RBM4B: variants seen among roughly 807,000 people sequenced by gnomAD.
RBM4B encodes RNA binding motif protein 4B.
RBM4B carries 13 observed loss-of-function variants against 28.5 expected under a neutral mutation model. That is an observed-to-expected ratio of 0.46 (90% CI 0.30 to 0.72). The LOEUF is 0.72. Among genes scored for constraint, RBM4B ranks in the 30% least tolerant of loss-of-function variants. RBM4B has a pLI of 0.09. For missense variants in RBM4B, 387 were observed against 477.6 expected (o/e 0.81, Z 1.77); for synonymous variants, 167 against 179.1 (o/e 0.93, Z 0.54).
chr11:66,666,235 G>C (rs1419143257), intron 3 of RBM4B: 2 of 961,788 alleles, frequency 2.1e-6, no homozygotes, highest in East Asian at 4.7e-5. Flanking sequence ...GGGAACTCCA[G>C]ACACCAATGG....
chr11:66,668,749 C>G lies in RBM4B; in HGVS notation c.955G>C (p.Gly319Arg). 6.2e-7 allele frequency: 1 copy of G among 1,614,174 alleles called. No individual in the cohort carries two copies. The highest frequency in any genetic ancestry group is 1.1e-5 in the South Asian group (1 of 91,084). ...TCACTCTCTGGCCCATAACCGTAGCCCTCTCCAACTGTGGGGAGCATGGCT... is the reference window on the plus strand; with the variant it reads ...TCACTCTCTGGCCCATAACCGTAGCGCTCTCCAACTGTGGGGAGCATGGCT... The part of the protein sequence containing the change: ...AAAMLPTVGE[G>R]YGYGPESELS... The change falls in exon 3 of 4, where the codon GGC becomes CGC. Residue 319 changes from glycine (G) to arginine (R), a missense_variant. By Grantham distance (125) the Gly-to-Arg change is moderately radical. Around this residue, in one of 2 missense-constraint regions of RBM4B, gnomAD observed 226 missense variants for 220.6 expected, o/e 1.02. Coordinates refer to ENST00000310046, the MANE Select transcript of RBM4B (RefSeq NM_031492.4).
At chr11:66,668,378 A>G (rs1170060761) in intron 3 of RBM4B, 1 of 474,804 alleles carries the variant, frequency 2.1e-6, no homozygotes, top group Non-Finnish European at 3.7e-6. Flanking sequence ...TCTCACTAAC[A>G]AACTGAATTT....
At chr11:66,671,619 G>GT (rs1288669956) in intron 2 of RBM4B, among the ~76,000 whole-genome samples, 9 of 152,156 alleles carry the variant, frequency 5.9e-5, no homozygotes, top group Non-Finnish European at 1.2e-4. Context: ...TTACCTTGAT[G>GT]TTTTTTAACT....
At chr11:66,674,848 G>A (rs1939592565) in intron 2 of RBM4B, among the ~76,000 whole-genome samples, 1 of 152,208 alleles carries the variant, frequency 6.6e-6, no homozygotes, top group South Asian at 2.1e-4. Flanking sequence ...GGGATTACAG[G>A]TGTGAGGCAC....
intron 2 of RBM4B, among the ~76,000 whole-genome samples, chr11:66,674,177 CTTTTTTTT>C (rs926208528): frequency 1.4e-4 from 18 of 124,472 alleles, no homozygotes; most frequent in Non-Finnish European, 7.0e-5. Context: ...ATTTTTTTTT[CTTTTTTTT>C]TTTTTTTTAT....
Position 66,675,248 on chromosome 11 carries a change from G to A in RBM4B, c.412+1420C>T, listed in dbSNP as rs145948768. Among the ~76,000 whole-genome samples, 3 of 152,284 alleles carry A rather than the reference G, an allele frequency of 2.0e-5. No homozygotes were observed. The East Asian group carries it at 5.8e-4, about 29-fold the overall frequency. On this transcript the variant is annotated intron_variant, in intron 2 of 3. Coordinates refer to ENST00000310046, the MANE Select transcript of RBM4B (RefSeq NM_031492.4). ...TTTACTATCAAAACACTTTCACATC[G>A]ATTTCTTCATTCTAGCCCCACTACA...
In RBM4B at chr11:66,668,651, C is replaced by G; in HGVS notation, c.1053G>C (p.Val351=). Residue 351 remains valine (V), a synonymous_variant, in exon 3 of 4, where the codon GTG becomes GTC. Transcript: ENST00000310046. Reference sequence around the variant, plus strand: ...AAAAGGCTGAGTACCGGGCTCGGTCCACATACTGCTCCCGTTCATACCGGG... The same window carrying G: ...AAAAGGCTGAGTACCGGGCTCGGTCGACATACTGCTCCCGTTCATACCGGG... ...DMARYEREQY[V]DRARYSAF 1.2e-6 allele frequency: 2 copies of G among 1,611,476 alleles called. No individual in the cohort carries two copies. The highest frequency in any genetic ancestry group is 1.7e-4 in the Middle Eastern group (1 of 6,050).
intron 2 of RBM4B, among the ~76,000 whole-genome samples, chr11:66,674,956 T>A (rs1480705141): frequency 6.6e-6 from 1 of 152,240 alleles, no homozygotes. Flanking sequence ...TACATTCTTT[T>A]ACATTTTGCT....
chr11:66,666,242 A>T (rs72923084), intron 3 of RBM4B: 1 of 995,660 alleles, frequency 1.0e-6, no homozygotes, highest in Admixed American at 4.4e-5. Flanking sequence ...CCAGACACCA[A>T]TGGCTGGGGG....
At chr11:66,677,650 C>G (rs897289772) in intron 1 of RBM4B, 114 bp downstream of exon 1, 1 of 154,958 alleles carries the variant, frequency 6.5e-6, no homozygotes, top group Admixed American at 6.4e-5. Context: ...CGTTGTCTTC[C>G]CAGACCTCCC....
intron 3 of RBM4B, chr11:66,666,546 A>G: frequency 3.6e-6 from 2 of 549,484 alleles, no homozygotes; most frequent in Non-Finnish European, 4.6e-6. Context: ...TAGTTGAACA[A>G]CCACTGCTTG....
At position 66,676,515 on chromosome 11, in the gene RBM4B, G is replaced by A. The variant is rs1387366606; in HGVS notation, c.412+153C>T. 6 of 906,756 alleles carry A rather than the reference G, an allele frequency of 6.6e-6. No individual in the cohort carries two copies. The Admixed American group carries it at 1.7e-4, about 26-fold the overall frequency. 56.2% of individuals were successfully genotyped at this position (906,756 alleles called of 1,614,324 possible). ...AAGGGGAAGTGTTTGCTTCCCCAGGGGTAAATTATGCTTAAGAGCGGTAAA... is the reference window on the plus strand; with the variant it reads ...AAGGGGAAGTGTTTGCTTCCCCAGGAGTAAATTATGCTTAAGAGCGGTAAA... On this transcript the variant is annotated intron_variant, in intron 2 of 3. Transcript: ENST00000310046.
chr11:66,673,356 T>G (rs1565095675), intron 2 of RBM4B, among the ~76,000 whole-genome samples: 1 of 152,160 alleles, frequency 6.6e-6, no homozygotes, highest in Non-Finnish European at 1.5e-5. Context: ...TAAAGTAAAC[T>G]CAGATTCCGC....
At chr11:66,673,872 C>G (rs891889686) in intron 2 of RBM4B, among the ~76,000 whole-genome samples, 1 of 152,142 alleles carries the variant, frequency 6.6e-6, no homozygotes, top group Non-Finnish European at 1.5e-5. Flanking sequence ...CTACAACTTA[C>G]TATCCAGTGC....
intron 2 of RBM4B, 69 bp from the exon 3 acceptor site, chr11:66,669,360 T>C (rs1939382393): frequency 1.4e-6 from 2 of 1,456,390 alleles, no homozygotes; most frequent in East Asian, 2.3e-5. Flanking sequence ...CCTCCCCAAA[T>C]GAAAGTAAAT....
intron 2 of RBM4B, among the ~76,000 whole-genome samples, chr11:66,672,867 C>A (rs1183031052): frequency 6.6e-6 from 1 of 152,098 alleles, no homozygotes; most frequent in African/African-American, 2.4e-5. Context: ...TATTATTATA[C>A]CTTAAGGAAC....
intron 1 of RBM4B, 193 bp from the exon 2 acceptor site, chr11:66,677,284 A>C: frequency 1.5e-6 from 1 of 674,938 alleles, no homozygotes; most frequent in Non-Finnish European, 2.5e-6. Context: ...TGCAAACAGG[A>C]GGTCGAGGGT....
rs1417719916 is a variant in RBM4B, at chr11:66,668,996, T to G, written c.708A>C (p.Ala236=). ...VRSYEAVAAA[A]AASAYNYAEQ... is the part of the protein sequence containing the mutation. ...CTGCGTAGTTGTATGCAGAAGCCGC[T>G]GCCGCCGCTGCTACTGCCTCATAAG... The change falls in exon 3 of 4, where the codon GCA becomes GCC. Residue 236 remains alanine (A), a synonymous_variant. Coordinates refer to ENST00000310046, the MANE Select transcript of RBM4B (RefSeq NM_031492.4). The G allele has an allele frequency of 5.0e-6, 8 of 1,614,088 alleles. No homozygotes were observed. Among genetic ancestry groups the G allele is most frequent in the Non-Finnish European group, 6.8e-6 (8 of 1,180,046 alleles).
At position 66,669,027 on chromosome 11, in the gene RBM4B, AC is replaced by A; in HGVS notation, c.676del (p.Val226SerfsTer7). 1 of 1,614,138 alleles carries A rather than the reference AC, an allele frequency of 6.2e-7. No individual in the cohort carries two copies. The highest frequency in any genetic ancestry group is 8.5e-7 in the Non-Finnish European group (1 of 1,180,024). On this transcript the variant is annotated frameshift_variant, in exon 3 of 4. Coordinates refer to ENST00000310046, the MANE Select transcript of RBM4B (RefSeq NM_031492.4). LOFTEE classifies it high-confidence loss of function. The part of the protein sequence containing the change: ...GALDYYKRYR[V>X]RSYEAVAAAA... Reference sequence around the variant, plus strand: ...CGCTGCTACTGCCTCATAAGAGCGGACCCGGTATCGCTTATAGTAGTCGAGT... The same window carrying A: ...CGCTGCTACTGCCTCATAAGAGCGGACCGGTATCGCTTATAGTAGTCGAGT...
Sources: allele counts gnomAD v4.1 joint callset (sites outside exome capture counted in the v4.1 genomes callset), GRCh38; gene constraint gnomAD v4.1.1; regional missense constraint gnomAD v4.1.1; transcripts MANE v1.5; gene names NCBI Gene and HGNC (gene_info 2026-07-23, HGNC 2026-07-21).